CDYL: variants seen among roughly 807,000 people sequenced by gnomAD.
CDYL encodes the protein chromodomain Y-like protein.
Under a neutral mutation model 47.3 loss-of-function variants are expected in CDYL, and 8 were observed. That is an observed-to-expected ratio of 0.17 (90% CI 0.10 to 0.31). CDYL has a LOEUF of 0.31. Ranked by LOEUF, CDYL falls within the 10% of genes least tolerant of loss-of-function variation. The pLI, the probability that CDYL is intolerant of heterozygous loss-of-function variation, is 1.00. For synonymous variants in CDYL, 266 were observed against 265.0 expected, an observed-to-expected ratio of 1.00 and a Z score of -0.04; for missense variants, 471 against 701.4, an observed-to-expected ratio of 0.67 and a Z score of 3.71.
intron 3 of CDYL, among the ~76,000 whole-genome samples, chr6:4,769,867 G>GCT (rs1758309951): frequency 6.6e-6 from 1 of 152,134 alleles, no homozygotes; most frequent in African/African-American, 2.4e-5. Flanking sequence ...CGCGATCTCG[G>GCT]CTCACTGCAA....
At chr6:4,938,311 A>G (rs1017741655) in intron 4 of CDYL, among the ~76,000 whole-genome samples, 1 of 151,884 alleles carries the variant, frequency 6.6e-6, no homozygotes, top group Non-Finnish European at 1.5e-5. Context: ...CTGGACAGAG[A>G]ACCAGATAGT....
At chr6:4,711,344 A>G (rs774398650) in intron 1 of CDYL, among the ~76,000 whole-genome samples, 16 of 152,238 alleles carry the variant, frequency 1.1e-4, no homozygotes, top group Non-Finnish European at 2.1e-4. Context: ...ACCCGAATCT[A>G]GCAACCTCAA....
chr6:4,780,985 T>C (rs1561847322), intron 1 of CDYL, among the ~76,000 whole-genome samples: 1 of 152,220 alleles, frequency 6.6e-6, no homozygotes, highest in Non-Finnish European at 1.5e-5. Flanking sequence ...AATTCCTTTT[T>C]TCCTCAGTAG....
intron 1 of CDYL, among the ~76,000 whole-genome samples, chr6:4,841,871 G>A (rs891113006): frequency 1.3e-5 from 2 of 151,060 alleles, no homozygotes; most frequent in African/African-American, 4.9e-5. Flanking sequence ...ATATTCTGCA[G>A]TTGTTGGATA....
chr6:4,715,866 CT>C lies in CDYL; in HGVS notation c.89del (p.Leu30ArgfsTer19). On this transcript the variant is annotated frameshift_variant, in exon 2 of 9. Coordinates refer to the CDYL transcript ENST00000328908. LOFTEE classifies it high-confidence loss of function. ...CGAGGGCCCAACCCAAAAGTTATTCCTGAAGAGAAACAACGGTAAGAACTTG... is the reference window on the plus strand; with the variant it reads ...CGAGGGCCCAACCCAAAAGTTATTCCGAAGAGAAACAACGGTAAGAACTTG... 6.2e-7 allele frequency: 1 copy of C among 1,614,012 alleles called. No homozygotes were observed. The highest frequency in any genetic ancestry group is 8.5e-7 in the Non-Finnish European group (1 of 1,179,988).
chr6:4,773,058 G>T, upstream of CDYL: 1 of 452,998 alleles, frequency 2.2e-6, no homozygotes, highest in South Asian at 1.6e-5. The surrounding 1 kb of genome is among the most constrained non-coding windows in gnomAD (Gnocchi z 4.6). Flanking sequence ...ATGGGAAGAG[G>T]CTGTGATTCT....
At position 4,738,142 on chromosome 6, in the gene CDYL, A is replaced by G. The variant is rs139754784; in HGVS notation, c.186+3298A>G. 4.9e-3 allele frequency among the ~76,000 whole-genome samples: 740 copies of G among 152,250 alleles called. 7 individuals are homozygous for G. Among genetic ancestry groups the G allele is most frequent in the South Asian group, 0.017 (83 of 4,814 alleles). On this transcript the variant is annotated intron_variant, in intron 3 of 8. Transcript: ENST00000328908. Reference sequence around the variant, plus strand: ...ATGGCTCCCAGCACTTTGGGAGGCCAAGGCAAATGGATCACTTGAGGCCAG... The same window carrying G: ...ATGGCTCCCAGCACTTTGGGAGGCCGAGGCAAATGGATCACTTGAGGCCAG...
At chr6:4,822,291 G>A (rs1302663987) in intron 1 of CDYL, among the ~76,000 whole-genome samples, 1 of 152,084 alleles carries the variant, frequency 6.6e-6, no homozygotes, top group African/African-American at 2.4e-5. Context: ...GAGCCACTGT[G>A]CCCGGCAAAA....
chr6:4,915,050 G>A (rs989173967), intron 2 of CDYL, among the ~76,000 whole-genome samples: 1 of 152,208 alleles, frequency 6.6e-6, no homozygotes, highest in Non-Finnish European at 1.5e-5. Context: ...GCTGGGGCTG[G>A]CCCAACCTCG....
chr6:4,929,523 C>CACACACACAT (rs1392146007), intron 2 of CDYL, among the ~76,000 whole-genome samples: 21 of 148,380 alleles, frequency 1.4e-4, no homozygotes, highest in Admixed American at 4.0e-4. Flanking sequence ...CACACACACA[C>CACACACACAT]ACATACATAC....
At chr6:4,943,155 T>C (rs1758410501) in intron 4 of CDYL, among the ~76,000 whole-genome samples, 1 of 152,200 alleles carries the variant, frequency 6.6e-6, no homozygotes, top group Non-Finnish European at 1.5e-5. Context: ...CTGTGACAGC[T>C]TCTTGATTTG....
intron 1 of CDYL, among the ~76,000 whole-genome samples, chr6:4,780,009 C>G (rs951841341): frequency 6.6e-6 from 1 of 151,996 alleles, no homozygotes; most frequent in Non-Finnish European, 1.5e-5. Flanking sequence ...TTGTAGGTTC[C>G]ACAAAAATAG....
chr6:4,706,633 A>G (rs1178973068), intron 1 of CDYL, among the ~76,000 whole-genome samples: 1 of 152,026 alleles, frequency 6.6e-6, no homozygotes, highest in African/African-American at 2.4e-5. Context: ...AAAAAAAATT[A>G]CAAAAATTAG....
chr6:4,801,946 A>G (rs949017377), intron 1 of CDYL, among the ~76,000 whole-genome samples: 3 of 152,202 alleles, frequency 2.0e-5, no homozygotes, highest in African/African-American at 7.2e-5. Flanking sequence ...GCTGTCAGCT[A>G]GGGATTTCAG....
intron 1 of CDYL, among the ~76,000 whole-genome samples, chr6:4,785,371 C>G (rs1209176955): frequency 6.6e-6 from 1 of 152,262 alleles, no homozygotes; most frequent in Non-Finnish European, 1.5e-5. Context: ...CTTTTATTTA[C>G]TTTTTGTCTT....
At chr6:4,876,120 C>T (rs1003567911) in intron 1 of CDYL, among the ~76,000 whole-genome samples, 1 of 152,170 alleles carries the variant, frequency 6.6e-6, no homozygotes, top group Non-Finnish European at 1.5e-5. Context: ...AGTCAGTTTC[C>T]CTCCCACCCT....
intron 1 of CDYL, among the ~76,000 whole-genome samples, chr6:4,866,879 G>A (rs1472000282): frequency 2.0e-5 from 3 of 151,888 alleles, no homozygotes; most frequent in Non-Finnish European, 4.4e-5. Context: ...AACAGTCAAG[G>A]GAATGGATTC....
chr6:4,797,787 AC>A (rs1476139282), intron 1 of CDYL, among the ~76,000 whole-genome samples: 1 of 152,044 alleles, frequency 6.6e-6, no homozygotes, highest in Non-Finnish European at 1.5e-5. Flanking sequence ...GCTGATTAAT[AC>A]CCCATTTTGT....
At chr6:4,928,602 T>C (rs977059247) in intron 2 of CDYL, 4 of 152,264 alleles carry the variant, frequency 2.6e-5, no homozygotes, top group African/African-American at 9.6e-5. Flanking sequence ...CATTTGTGTC[T>C]AGTCAGGGTT....
Sources: gnomAD v4.1 joint callset for allele counts (sites outside exome capture counted in the v4.1 genomes callset) on GRCh38, gnomAD v4.1.1 for gene constraint, Gnocchi (gnomAD v3.1) non-coding constraint, MANE v1.5 for transcripts, NCBI Gene and HGNC (gene_info 2026-07-23, HGNC 2026-07-21) for gene names.